The following MORC1 variants were observed in gnomAD, a reference collection of about 807,000 sequenced individuals.
The protein encoded by MORC1 is MORC family CW-type zinc finger protein 1.
A neutral mutation model predicts 134.9 loss-of-function variants in MORC1; 59 were observed. The observed-to-expected ratio is 0.44, with a 90% CI of 0.35 to 0.54. The LOEUF (loss-of-function observed/expected upper bound fraction) is 0.54. Among genes scored for constraint, MORC1 ranks in the 20% least tolerant of loss-of-function variants. MORC1 has a pLI of 0.00. For missense variants in MORC1, 947 were observed against 1,134.5 expected (o/e 0.83, Z 2.37); for synonymous variants, 395 against 391.7 (o/e 1.01, Z -0.10).
At chr3:109,114,702 A>G (rs1433516927) in intron 1 of MORC1, among the ~76,000 whole-genome samples, 2 of 152,254 alleles carry the variant, frequency 1.3e-5, no homozygotes, top group African/African-American at 4.8e-5. Context: ...CTATCATTGA[A>G]ATAAACTTTG....
At chr3:108,979,386 G>T in intron 24 of MORC1, 129 bp downstream of exon 24, 2 of 1,012,560 alleles carry the variant, frequency 2.0e-6, no homozygotes, top group Non-Finnish European at 2.9e-6. Flanking sequence ...ATAGTTAGGA[G>T]ACAAGTCATA....
intron 20 of MORC1, among the ~76,000 whole-genome samples, chr3:109,002,395 C>T (rs1239326348): frequency 2.0e-5 from 3 of 152,184 alleles, no homozygotes; most frequent in African/African-American, 4.8e-5. Context: ...GGGCAATTGG[C>T]TACATGCACC....
intron 21 of MORC1, among the ~76,000 whole-genome samples, chr3:108,989,832 C>A (rs1447838256): frequency 2.6e-5 from 4 of 152,140 alleles, no homozygotes; most frequent in Non-Finnish European, 5.9e-5. Context: ...TAGTGTGGGC[C>A]AGATACTACC....
At chr3:109,072,024 G>A (rs116327600) in intron 8 of MORC1, among the ~76,000 whole-genome samples, 98 of 151,800 alleles carry the variant, frequency 6.5e-4, no homozygotes, top group African/African-American at 2.3e-3. Context: ...AGAAGTTCCT[G>A]TTTATTTGTG....
intron 3 of MORC1, among the ~76,000 whole-genome samples, chr3:109,109,071 G>C (rs531547471): frequency 6.6e-6 from 1 of 152,214 alleles, no homozygotes; most frequent in Non-Finnish European, 1.5e-5. Flanking sequence ...TTCCCTGAGT[G>C]CTTTTTCACC....
intron 9 of MORC1, among the ~76,000 whole-genome samples, chr3:109,065,633 T>C (rs538612557): frequency 6.6e-6 from 1 of 152,186 alleles, no homozygotes; most frequent in African/African-American, 2.4e-5. Context: ...AAGTCAGCCA[T>C]TATGTCATGA....
chr3:109,117,331 CAAAAAAA>C (rs202128565), intron 1 of MORC1, among the ~76,000 whole-genome samples: 25 of 113,628 alleles, frequency 2.2e-4, no homozygotes, highest in African/African-American at 8.1e-4. Flanking sequence ...CAAAAGATGT[CAAAAAAA>C]AAAAAAAAAA....
At chr3:109,040,494 A>AAAGAAAGGAAGGAAAGG (rs1576666330) in intron 14 of MORC1, among the ~76,000 whole-genome samples, 1 of 118,514 alleles carries the variant, frequency 8.4e-6, no homozygotes, top group East Asian at 3.3e-4. Flanking sequence ...GAAAGGAAAG[A>AAAGAAAGGAAGGAAAGG]AAAGAAAGGA....
chr3:108,989,223 G>T (rs569559135), intron 21 of MORC1, among the ~76,000 whole-genome samples: 1 of 152,184 alleles, frequency 6.6e-6, no homozygotes, highest in East Asian at 1.9e-4. Flanking sequence ...ACATTAATTG[G>T]TTTCCTTATA....
intron 24 of MORC1, among the ~76,000 whole-genome samples, chr3:108,977,011 GATCT>G (rs1337138817): frequency 6.6e-6 from 1 of 152,092 alleles, no homozygotes; most frequent in African/African-American, 2.4e-5. Flanking sequence ...AAAGAAAGTT[GATCT>G]ATCTGAAAAA....
At chr3:109,077,600 G>T (rs1340080259) in intron 8 of MORC1, among the ~76,000 whole-genome samples, 2 of 150,908 alleles carry the variant, frequency 1.3e-5, no homozygotes, top group Non-Finnish European at 3.0e-5. Flanking sequence ...CATTAGAATA[G>T]AAAAAAAATA....
chr3:109,029,786 G>T (rs558908535), intron 16 of MORC1, among the ~76,000 whole-genome samples: 12 of 152,170 alleles, frequency 7.9e-5, no homozygotes, highest in Non-Finnish European at 1.5e-4. Context: ...CCACTAAAAA[G>T]TATCTGAATG....
chr3:109,021,911 C>A (rs1349821557), intron 17 of MORC1, among the ~76,000 whole-genome samples: 2 of 152,200 alleles, frequency 1.3e-5, no homozygotes, highest in Non-Finnish European at 2.9e-5. Context: ...ACAGATGATA[C>A]CTGCCTTCAA....
rs897721354 is a variant in MORC1 at position 109,005,258 on chromosome 3, G to C, written c.1825C>G (p.Leu609Val). The change falls in exon 19 of 28, where the codon CTT becomes GTT. Residue 609 changes from leucine to valine, a missense_variant. By Grantham distance (32) the Leu-to-Val change is conservative. Coordinates refer to ENST00000232603, the MANE Select transcript of MORC1 (RefSeq NM_014429.4). ...CTCGCTGAAAGCTCAAAGGATGAAA[G>C]AGATTCATGCTTCAAGTCATCGCCC... ...LLGDDLKHES[L>V]SSFELSASRR... 17 of 1,613,604 alleles carry C rather than the reference G, an allele frequency of 1.1e-5. No homozygotes were observed. The highest frequency in any genetic ancestry group is 1.4e-5 in the Non-Finnish European group (16 of 1,179,814).
rs1251383501 is a variant in MORC1 at position 109,069,724 on chromosome 3, T to C, written c.723A>G (p.Thr241=). 2 of 1,611,826 alleles carry C rather than the reference T, an allele frequency of 1.2e-6. No individual in the cohort carries two copies. The highest frequency in any genetic ancestry group is 1.7e-6 in the Non-Finnish European group (2 of 1,178,562). Residue 241 remains threonine, a synonymous_variant, in exon 9 of 28, where the codon ACA becomes ACG. Transcript: ENST00000232603. ...TCCATGGGTTAAAATACAGAACAGA[T>C]GTGTAGGCTCTGAATGACCACCTCG... ...FPARWSFRAY[T]SVLYFNPWMR...
chr3:109,051,568 C>T (rs1949831601), intron 14 of MORC1, among the ~76,000 whole-genome samples: 1 of 152,134 alleles, frequency 6.6e-6, no homozygotes, highest in African/African-American at 2.4e-5. Flanking sequence ...TGCCTGCTAT[C>T]CTTCCTCTAC....
chr3:109,099,487 A>G, intron 5 of MORC1, 21 bp from the exon 6 acceptor site: 3 of 1,562,868 alleles, frequency 1.9e-6, no homozygotes, highest in Non-Finnish European at 1.7e-6. Flanking sequence ...AATGAAGAAC[A>G]TCATGTTTTA....
At chr3:109,022,449 T>C (rs948175480) in intron 17 of MORC1, among the ~76,000 whole-genome samples, 1 of 152,250 alleles carries the variant, frequency 6.6e-6, no homozygotes, top group Admixed American at 6.5e-5. Flanking sequence ...CAGATTATAC[T>C]ATTTCATTTC....
At chr3:108,995,870 T>C (rs560222038) in intron 21 of MORC1, among the ~76,000 whole-genome samples, 24 of 152,304 alleles carry the variant, frequency 1.6e-4, no homozygotes, top group Admixed American at 2.6e-4. Flanking sequence ...AAATGCTGAA[T>C]GTTAGCCAGT....
Sources: allele counts gnomAD v4.1 joint callset (sites outside exome capture counted in the v4.1 genomes callset), GRCh38; gene constraint gnomAD v4.1.1; transcripts MANE v1.5; gene names NCBI Gene and HGNC (gene_info 2026-07-23, HGNC 2026-07-21).